The following SLCO1A2 variants were observed in gnomAD, a reference collection of about 807,000 sequenced individuals.
SLCO1A2 encodes solute carrier organic anion transporter family member 1A2.
A neutral mutation model predicts 69.0 loss-of-function variants in SLCO1A2; 67 were observed. The ratio of observed to expected loss-of-function variants is 0.97; its 90% CI spans 0.80 to 1.19. SLCO1A2 has a LOEUF of 1.19. Among genes scored for constraint, SLCO1A2 ranks in the 50% most tolerant of loss-of-function variants. SLCO1A2 has a pLI of 0.00. For missense variants in SLCO1A2, 787 were observed against 793.7 expected (o/e 0.99, Z 0.10); for synonymous variants, 260 against 265.9 (o/e 0.98, Z 0.22).
At chr12:21,297,866 T>C (rs913303550) in intron 8 of SLCO1A2, among the ~76,000 whole-genome samples, 1 of 152,168 alleles carries the variant, frequency 6.6e-6, no homozygotes, top group Non-Finnish European at 1.5e-5. Context: ...CAAAATATTG[T>C]CTACGTCCAC....
intron 12 of SLCO1A2, among the ~76,000 whole-genome samples, chr12:21,285,933 C>G (rs1425288695): frequency 4.0e-5 from 6 of 151,836 alleles, no homozygotes; most frequent in African/African-American, 9.7e-5. Flanking sequence ...GAAGCATTCC[C>G]TTTGAAAACT....
intron 1 of SLCO1A2, among the ~76,000 whole-genome samples, chr12:21,413,140 T>C (rs540574215): frequency 2.0e-5 from 3 of 152,246 alleles, no homozygotes; most frequent in Middle Eastern, 3.4e-3. Context: ...ATTCCTTTCT[T>C]CCTATATTAT....
chr12:21,344,708 CAT>C lies in SLCO1A2; in HGVS notation c.-62-10001_-62-10000del, dbSNP rs555774469. ...TAAGAGAAAGACAAGATAAAGGAAA[CAT>C]ATGAATTAAAGTCCTGCTCTATTCA... is the stretch of plus-strand genomic sequence containing the variant. On this transcript the variant is annotated intron_variant, in intron 2 of 15. Transcript: ENST00000307378. Among the ~76,000 whole-genome samples, 568 of 152,028 alleles carry C rather than the reference CAT, an allele frequency of 3.7e-3. 4 individuals carry two copies. Among genetic ancestry groups the C allele is most frequent in the African/African-American group, 0.012 (512 of 41,504 alleles).
intron 13 of SLCO1A2, chr12:21,275,019 G>A (rs1027828527): frequency 2.0e-5 from 20 of 1,015,036 alleles, no homozygotes; most frequent in African/African-American, 1.4e-4. Flanking sequence ...TATTTATAAC[G>A]TGCTTTTTAC....
intron 2 of SLCO1A2, among the ~76,000 whole-genome samples, chr12:21,348,592 C>T (rs1937683063): frequency 6.6e-6 from 1 of 152,094 alleles, no homozygotes. Context: ...TTTTTTTACT[C>T]CCTTTTTTAA....
At position 21,406,972 on chromosome 12, in the gene SLCO1A2, G is replaced by A. The variant is rs548733065; in HGVS notation, c.-312+10910C>T. Among the ~76,000 whole-genome samples the A allele has an allele frequency of 4.6e-5, 7 of 152,204 alleles. No individual in the cohort carries two copies. The South Asian group carries it at 1.0e-3, about 22-fold the overall frequency. On this transcript the variant is annotated intron_variant, in intron 1 of 4. Transcript: ENST00000413682. ...TCAAAAGAAAACATAGACACATTGC[G>A]TATGTTCAAAAGCACCCTGGCCCCA...
rs1360657434 is a variant in SLCO1A2, at chr12:21,294,007, A to G, written c.1375T>C (p.Leu459=). 4 of 1,613,300 alleles carry G rather than the reference A, an allele frequency of 2.5e-6. No individual in the cohort carries two copies. Among genetic ancestry groups the G allele is most frequent in the Non-Finnish European group, 3.4e-6 (4 of 1,179,594 alleles). Residue 459 remains leucine, a synonymous_variant, in exon 11 of 15, where the codon TTG becomes CTG. Coordinates refer to ENST00000683939, the MANE Select transcript of SLCO1A2 (RefSeq NM_001386879.1). The stretch of plus-strand genomic sequence containing the variant: ...GCAAGACAAGCTGACAGATATGACA[A>G]GCCATTGTTTCCACACACAGGATCC... The part of the protein sequence containing the change: ...IWDPVCGNNG[L]SYLSACLAGC...
intron 5 of SLCO1A2, among the ~76,000 whole-genome samples, chr12:21,306,333 T>C (rs1160737661): frequency 6.9e-6 from 1 of 145,496 alleles, no homozygotes; most frequent in Non-Finnish European, 1.5e-5. Context: ...TCTTTGACTC[T>C]TTTTTTTTTT....
chr12:21,288,184 G>A (rs1946262028), intron 12 of SLCO1A2, among the ~76,000 whole-genome samples: 1 of 152,094 alleles, frequency 6.6e-6, no homozygotes, highest in Non-Finnish European at 1.5e-5. Flanking sequence ...GCTCATGCCT[G>A]TAATCCCAGC....
intron 3 of SLCO1A2, among the ~76,000 whole-genome samples, chr12:21,317,981 A>T (rs1591836260): frequency 6.6e-6 from 1 of 152,004 alleles, no homozygotes; most frequent in African/African-American, 2.4e-5. Context: ...GAGCTATAAA[A>T]GCAGTCTTTT....
At chr12:21,295,861 T>C (rs1394067704) in intron 9 of SLCO1A2, 69 bp from the exon 10 acceptor site, 3 of 829,656 alleles carry the variant, frequency 3.6e-6, no homozygotes, top group Non-Finnish European at 3.9e-6. Flanking sequence ...ATCACTTTTA[T>C]GTAATATGCC....
At chr12:21,367,793 G>T (rs960664257) in intron 2 of SLCO1A2, among the ~76,000 whole-genome samples, 1 of 151,406 alleles carries the variant, frequency 6.6e-6, no homozygotes, top group Non-Finnish European at 1.5e-5. Flanking sequence ...GATCCAACAT[G>T]GGATAATTTT....
At chr12:21,339,199 T>C (rs1489886092), upstream of SLCO1A2, among the ~76,000 whole-genome samples, 1 of 152,022 alleles carries the variant, frequency 6.6e-6, no homozygotes, top group Admixed American at 6.6e-5. Flanking sequence ...AGCACAGTAG[T>C]AGGTACTGGG....
At chr12:21,406,426 G>A (rs1190619624) in intron 1 of SLCO1A2, among the ~76,000 whole-genome samples, 1 of 152,206 alleles carries the variant, frequency 6.6e-6, no homozygotes, top group Non-Finnish European at 1.5e-5. Context: ...AGTAAGGGGA[G>A]GAGCCCTGAT....
intron 1 of SLCO1A2, among the ~76,000 whole-genome samples, chr12:21,404,567 C>G (rs771183299): frequency 6.6e-6 from 1 of 152,190 alleles, no homozygotes; most frequent in South Asian, 2.1e-4. Flanking sequence ...GACATGATCT[C>G]ATTCCTTTTC....
chr12:21,300,786 G>A (rs1948620736), intron 7 of SLCO1A2, among the ~76,000 whole-genome samples: 2 of 152,234 alleles, frequency 1.3e-5, no homozygotes, highest in Non-Finnish European at 2.9e-5. Flanking sequence ...GGATTTAAAA[G>A]CAGGTATTAA....
At chr12:21,408,736 G>A (rs1941863107) in intron 1 of SLCO1A2, among the ~76,000 whole-genome samples, 1 of 108,336 alleles carries the variant, frequency 9.2e-6, no homozygotes, top group Non-Finnish European at 1.9e-5. Flanking sequence ...GTGTGTGTGT[G>A]TGTGTGTGTG....
At chr12:21,335,505 TTTTG>T (rs1343615845), upstream of SLCO1A2, among the ~76,000 whole-genome samples, 1 of 151,836 alleles carries the variant, frequency 6.6e-6, no homozygotes, top group African/African-American at 2.4e-5. Flanking sequence ...CCATCAAAGA[TTTTG>T]TTTGTTTTAC....
intron 8 of SLCO1A2, among the ~76,000 whole-genome samples, chr12:21,299,418 A>G (rs914887525): frequency 1.8e-4 from 27 of 152,048 alleles, no homozygotes; most frequent in African/African-American, 6.0e-4. Flanking sequence ...CTGGAAAACC[A>G]CTATGTGGCT....
Sources: allele counts gnomAD v4.1 joint callset (sites outside exome capture counted in the v4.1 genomes callset), GRCh38; gene constraint gnomAD v4.1.1; transcripts MANE v1.5; gene names NCBI Gene and HGNC (gene_info 2026-07-23, HGNC 2026-07-21).